The following EXOC6B variants were observed in gnomAD, a reference collection of about 807,000 sequenced individuals.
EXOC6B encodes the protein SEC15 homolog B.
EXOC6B carries 54 observed loss-of-function variants against 113.5 expected under a neutral mutation model. The ratio of observed to expected loss-of-function variants is 0.48; its 90% confidence interval spans 0.38 to 0.60. The LOEUF (loss-of-function observed/expected upper bound fraction) is 0.60. Among genes scored for constraint, EXOC6B ranks in the 20% least tolerant of loss-of-function variants. EXOC6B has a pLI of 0.00. For synonymous variants in EXOC6B, 357 were observed against 339.0 expected (o/e 1.05, Z -0.58); for missense variants, 797 against 977.5 (o/e 0.82, Z 2.46).
At chr2:72,730,314 G>C (rs556040173) in intron 5 of EXOC6B, among the ~76,000 whole-genome samples, 1 of 152,238 alleles carries the variant, frequency 6.6e-6, no homozygotes, top group African/African-American at 2.4e-5. Flanking sequence ...AGTAGACTAT[G>C]AGTAAAGATG....
chr2:72,709,220 T>C (rs935010330), intron 6 of EXOC6B, among the ~76,000 whole-genome samples: 5 of 152,160 alleles, frequency 3.3e-5, no homozygotes, highest in Non-Finnish European at 5.9e-5. Flanking sequence ...TCTTTGCTTA[T>C]TTGTATTTCT....
At chr2:72,802,232 G>A (rs1685323172) in intron 1 of EXOC6B, among the ~76,000 whole-genome samples, 2 of 151,882 alleles carry the variant, frequency 1.3e-5, no homozygotes, top group Non-Finnish European at 2.9e-5. Flanking sequence ...GGCTGAGGCA[G>A]GAGAATCGCT....
chr2:72,202,978 G>A (rs898921541), intron 20 of EXOC6B, among the ~76,000 whole-genome samples: 1 of 152,212 alleles, frequency 6.6e-6, no homozygotes, highest in African/African-American at 2.4e-5. Context: ...GCCAGTTCAC[G>A]ACGTTCATCG....
rs377599466 is a variant in EXOC6B at position 72,411,027 on chromosome 2, A to C, written c.1981-31157T>G. ...AGTTCAAGACCAGCCTGAGCAACAT[A>C]GTGAAACCCTGTCTCTACTAAAAAT... On this transcript the variant is annotated intron_variant, in intron 18 of 21. Transcript: ENST00000272427. Among the ~76,000 whole-genome samples, 430 of 152,178 alleles carry C rather than the reference A, an allele frequency of 2.8e-3. 3 individuals are homozygous for C. In the South Asian group the frequency reaches 0.037, roughly 13 times the overall value.
intron 6 of EXOC6B, among the ~76,000 whole-genome samples, chr2:72,655,471 T>C (rs2104422655): frequency 6.6e-6 from 1 of 152,100 alleles, no homozygotes; most frequent in South Asian, 2.1e-4. Flanking sequence ...TTTCTATATT[T>C]AAGAAAGTTG....
intron 6 of EXOC6B, among the ~76,000 whole-genome samples, chr2:72,712,501 T>A (rs894722274): frequency 3.3e-5 from 5 of 152,178 alleles, no homozygotes; most frequent in African/African-American, 9.7e-5. Flanking sequence ...AGAATTCAGT[T>A]CCTTGTGGTT....
chr2:72,446,982 T>C (rs1006913531), intron 18 of EXOC6B, among the ~76,000 whole-genome samples: 4 of 151,802 alleles, frequency 2.6e-5, no homozygotes, highest in African/African-American at 7.3e-5. Flanking sequence ...CACATGTCTG[T>C]AATCCCAGCT....
At chr2:72,549,343 G>C (rs188329478) in intron 8 of EXOC6B, among the ~76,000 whole-genome samples, 98 of 152,154 alleles carry the variant, frequency 6.4e-4, no homozygotes, top group African/African-American at 2.2e-3. Context: ...ATAATGGTAG[G>C]GAGACCAGAT....
At chr2:72,671,747 CAGAGAAAGAAAGAAAGAAAGAA>C (rs1248766170) in intron 6 of EXOC6B, among the ~76,000 whole-genome samples, 3 of 84,858 alleles carry the variant, frequency 3.5e-5, no homozygotes, top group Admixed American at 2.9e-4. Context: ...GAGAGAGAGA[CAGAGAAAGAAAGAAAGAAAGAA>C]AGAAAGAAAG....
At chr2:72,644,583 G>A (rs976336549) in intron 6 of EXOC6B, among the ~76,000 whole-genome samples, 7 of 152,126 alleles carry the variant, frequency 4.6e-5, no homozygotes, top group East Asian at 1.9e-4. Flanking sequence ...GACTAACAAC[G>A]GATCTCTCGA....
At position 72,657,792 on chromosome 2, in the gene EXOC6B, C is replaced by A. The variant is rs1410045696; in HGVS notation, c.669+60311G>T. ...TAAGAGAAAAATAAAGCACTCGATA[C>A]ATATTAGCTATTATTATGTCTGAAA... On this transcript the variant is annotated intron_variant, in intron 6 of 21. Coordinates refer to ENST00000272427, the MANE Select transcript of EXOC6B (RefSeq NM_015189.3). Among the ~76,000 whole-genome samples the A allele has an allele frequency of 2.0e-5, 3 of 151,244 alleles. No individual in the cohort carries two copies. The East Asian group carries it at 5.8e-4, about 29-fold the overall frequency.
chr2:72,722,233 T>G (rs1204472791), intron 5 of EXOC6B, among the ~76,000 whole-genome samples: 1 of 152,110 alleles, frequency 6.6e-6, no homozygotes, highest in Non-Finnish European at 1.5e-5. Context: ...GATGGCAATA[T>G]TACAAGATAA....
chr2:72,407,324 CA>C (rs1206919098), intron 18 of EXOC6B, among the ~76,000 whole-genome samples: 3 of 152,144 alleles, frequency 2.0e-5, no homozygotes, highest in African/African-American at 7.2e-5. Context: ...GAAACTATTC[CA>C]ATCAACAGAA....
chr2:72,252,417 A>T (rs2104550975), intron 20 of EXOC6B, among the ~76,000 whole-genome samples: 1 of 152,238 alleles, frequency 6.6e-6, no homozygotes, highest in African/African-American at 2.4e-5. Flanking sequence ...AAGGCAATAT[A>T]ATAGAAAGTC....
At chr2:72,245,017 C>T (rs938392495) in intron 20 of EXOC6B, among the ~76,000 whole-genome samples, 1 of 152,106 alleles carries the variant, frequency 6.6e-6, no homozygotes, top group Non-Finnish European at 1.5e-5. Flanking sequence ...ATTCCATGTT[C>T]ATGGATAGGA....
At chr2:72,767,970 A>G (rs1683188388) in intron 1 of EXOC6B, among the ~76,000 whole-genome samples, 1 of 151,114 alleles carries the variant, frequency 6.6e-6, no homozygotes, top group Non-Finnish European at 1.5e-5. Flanking sequence ...TATAAAAATT[A>G]GAGGAGAGTA....
At chr2:72,736,527 C>G (rs1436037477) in intron 2 of EXOC6B, among the ~76,000 whole-genome samples, 1 of 152,114 alleles carries the variant, frequency 6.6e-6, no homozygotes, top group Admixed American at 6.6e-5. Context: ...GAGCCTGAAA[C>G]AGACTAAAAC....
In EXOC6B at chr2:72,656,824, C is replaced by T. The variant is rs192974350; in HGVS notation, c.669+61279G>A. On this transcript the variant is annotated intron_variant, in intron 6 of 21. Transcript: ENST00000272427. ...ACAAACATATATGAATATAAACATA[C>T]ACTAAATATTTATAACTTCACTTAT... Among the ~76,000 whole-genome samples, 4 of 152,228 alleles carry T rather than the reference C, an allele frequency of 2.6e-5. No homozygotes were observed. The East Asian group carries it at 5.8e-4, about 22-fold the overall frequency.
intron 1 of EXOC6B, among the ~76,000 whole-genome samples, chr2:72,794,865 T>G (rs1684859231): frequency 6.6e-6 from 1 of 152,144 alleles, no homozygotes; most frequent in African/African-American, 2.4e-5. Flanking sequence ...CTCACCCCCT[T>G]GATTACTAGG....
Sources: gnomAD v4.1 joint callset for allele counts (sites outside exome capture counted in the v4.1 genomes callset) on GRCh38, gnomAD v4.1.1 for gene constraint, MANE v1.5 for transcripts, NCBI Gene and HGNC (gene_info 2026-07-23, HGNC 2026-07-21) for gene names.